Variants in PRKN observed in about 807,000 individuals in gnomAD.
The protein encoded by PRKN is E3 ubiquitin-protein ligase parkin.
In PRKN, 56 loss-of-function variants were observed where a neutral mutation model predicts 59.5. That is an observed-to-expected ratio of 0.94 (90% CI 0.76 to 1.18). PRKN has a LOEUF of 1.18. Ranked by LOEUF, PRKN falls within the 50% of genes most tolerant of loss-of-function variation. PRKN has a pLI of 0.00. For missense variants in PRKN, 657 were observed against 596.4 expected (o/e 1.10, Z -1.06); for synonymous variants, 250 against 222.1 (o/e 1.13, Z -1.12).
At chr6:161,720,549 C>A (rs1305366335) in intron 7 of PRKN, among the ~76,000 whole-genome samples, 1 of 152,122 alleles carries the variant, frequency 6.6e-6, no homozygotes, top group Non-Finnish European at 1.5e-5. Flanking sequence ...GAAAGTCACC[C>A]CCTGCAGAGA....
At chr6:161,973,585 C>T (rs1467218977) in intron 5 of PRKN, among the ~76,000 whole-genome samples, 168 bp from the exon 6 acceptor site, 1 of 152,114 alleles carries the variant, frequency 6.6e-6, no homozygotes, top group African/African-American at 2.4e-5. Context: ...TGACCTTGTG[C>T]CAAAGTGGTC....
chr6:161,874,987 ACT>A lies in PRKN; in HGVS notation c.735-89081_735-89080del, dbSNP rs1172394426. Reference sequence around the variant, plus strand: ...TAATATATAATTTATTATATTATATACTTTATATATAATATATTATATATTAT... The same window carrying A: ...TAATATATAATTTATTATATTATATATTATATATAATATATTATATATTAT... On this transcript the variant is annotated intron_variant, in intron 6 of 11. Transcript: ENST00000366898. Among the ~76,000 whole-genome samples the A allele has an allele frequency of 3.9e-3, 274 of 70,258 alleles. 5 individuals are homozygous for A. The highest frequency in any genetic ancestry group is 0.027 in the South Asian group (68 of 2,506). The allele number at this position is 70,258 out of a possible 152,430, so 46.1% of individuals were successfully genotyped here. A position where few individuals can be genotyped will look rare whatever the true frequency, so the allele number is the denominator to read the frequency against.
chr6:162,261,473 A>G (rs1431960163), intron 3 of PRKN, among the ~76,000 whole-genome samples: 2 of 151,988 alleles, frequency 1.3e-5, no homozygotes, highest in Non-Finnish European at 2.9e-5. Flanking sequence ...TCTTATACAT[A>G]CTCTGGTTGA....
intron 7 of PRKN, among the ~76,000 whole-genome samples, chr6:161,748,283 C>A (rs1788518543): frequency 6.6e-6 from 1 of 151,712 alleles, no homozygotes; most frequent in African/African-American, 2.4e-5. Context: ...AAAGATTTAT[C>A]AGGTGAGTGA....
In PRKN at chr6:161,549,114, A is replaced by G; in HGVS notation, c.934-111T>C. The G allele has an allele frequency of 8.5e-7, 1 of 1,171,490 alleles. No individual in the cohort carries two copies. The highest frequency in any genetic ancestry group is 1.2e-6 in the Non-Finnish European group (1 of 807,616). The allele number at this position is 1,171,490 out of a possible 1,614,324, so 72.6% of individuals were successfully genotyped here. On this transcript the variant is annotated intron_variant, in intron 8 of 11. Coordinates refer to ENST00000366898, the MANE Select transcript of PRKN (RefSeq NM_004562.3). This position sits in a 1 kb window ranked among gnomAD's most constrained non-coding sequence, Gnocchi z 6.0. Reference sequence around the variant, plus strand: ...TTGCTTAACCAGTTTCAGTAAAATAATGCATGTGTGTGTGTGTGTGTGTGT... The same window carrying G: ...TTGCTTAACCAGTTTCAGTAAAATAGTGCATGTGTGTGTGTGTGTGTGTGT...
chr6:162,144,425 T>C (rs1781919347), intron 4 of PRKN, among the ~76,000 whole-genome samples: 1 of 152,168 alleles, frequency 6.6e-6, no homozygotes, highest in Non-Finnish European at 1.5e-5. Context: ...AATACCCTTG[T>C]AAGAAAGAAT....
intron 7 of PRKN, among the ~76,000 whole-genome samples, chr6:161,625,131 C>T (rs1562566494): frequency 1.3e-5 from 2 of 152,288 alleles, no homozygotes; most frequent in African/African-American, 4.8e-5. Flanking sequence ...TATTGCAGCA[C>T]TATTCACAAT....
At chr6:161,553,293 T>C (rs2115440066) in intron 8 of PRKN, among the ~76,000 whole-genome samples, 1 of 152,312 alleles carries the variant, frequency 6.6e-6, no homozygotes, top group East Asian at 1.9e-4. Flanking sequence ...TTCCTATAAA[T>C]TGATAATTGG....
chr6:161,648,998 A>G (rs902135010), intron 7 of PRKN, among the ~76,000 whole-genome samples: 2 of 152,210 alleles, frequency 1.3e-5, no homozygotes, highest in African/African-American at 4.8e-5. Flanking sequence ...CCTTAAAACT[A>G]TATTAGCCAT....
chr6:161,589,051 G>A (rs1331328956), intron 7 of PRKN, among the ~76,000 whole-genome samples: 5 of 152,120 alleles, frequency 3.3e-5, no homozygotes, highest in Admixed American at 3.3e-4. Flanking sequence ...GGTTTCTTAA[G>A]GAATGACTAG....
At chr6:162,497,137 A>G in intron 1 of PRKN, among the ~76,000 whole-genome samples, 1 of 152,176 alleles carries the variant, frequency 6.6e-6, no homozygotes, top group East Asian at 1.9e-4. Context: ...TCTTCAGCCA[A>G]TGGAAATCTC....
intron 7 of PRKN, among the ~76,000 whole-genome samples, chr6:161,776,219 G>A (rs1161341939): frequency 6.6e-6 from 1 of 152,156 alleles, no homozygotes; most frequent in African/African-American, 2.4e-5. Context: ...CACCAAGTTG[G>A]GTGAGTGCTA....
intron 5 of PRKN, among the ~76,000 whole-genome samples, chr6:162,033,475 A>G (rs1473513561): frequency 1.3e-5 from 2 of 152,174 alleles, no homozygotes; most frequent in Admixed American, 1.3e-4. Context: ...CCTTAGTTAT[A>G]ACTAATATGC....
intron 9 of PRKN, among the ~76,000 whole-genome samples, chr6:161,535,274 AT>A (rs765813851): frequency 1.3e-5 from 2 of 152,240 alleles, no homozygotes; most frequent in African/African-American, 2.4e-5. Context: ...TAGAGGTCTA[AT>A]TTCTCATGCC....
chr6:161,646,175 G>C (rs1335018992), intron 7 of PRKN, among the ~76,000 whole-genome samples: 5 of 63,924 alleles, frequency 7.8e-5, no homozygotes, highest in East Asian at 7.6e-4. Flanking sequence ...TGACAGTGGT[G>C]ACTGCGTGTG....
At chr6:161,900,860 TATATA>T (rs1234179592) in intron 6 of PRKN, among the ~76,000 whole-genome samples, 25 of 142,604 alleles carry the variant, frequency 1.8e-4, no homozygotes, top group Admixed American at 5.9e-4. Context: ...ACATATATAA[TATATA>T]ATATACAATA....
chr6:162,192,471 T>C (rs1784323268), intron 4 of PRKN, among the ~76,000 whole-genome samples: 1 of 137,424 alleles, frequency 7.3e-6, no homozygotes, highest in Non-Finnish European at 1.5e-5. Context: ...TTTTTTTTTT[T>C]AGATAAGGTC....
At chr6:162,365,352 G>A (rs1032889861) in intron 2 of PRKN, among the ~76,000 whole-genome samples, 1 of 152,024 alleles carries the variant, frequency 6.6e-6, no homozygotes, top group Non-Finnish European at 1.5e-5. Context: ...TGTCTAGACA[G>A]TACTTTACAA....
intron 6 of PRKN, among the ~76,000 whole-genome samples, chr6:161,852,140 G>A (rs2128222706): frequency 6.6e-6 from 1 of 151,756 alleles, no homozygotes. Flanking sequence ...GCCACAGAGG[G>A]AATTTTTTAA....
Sources: allele counts gnomAD v4.1 joint callset (sites outside exome capture counted in the v4.1 genomes callset), GRCh38; gene constraint gnomAD v4.1.1; non-coding constraint Gnocchi (gnomAD v3.1); transcripts MANE v1.5; gene names NCBI Gene and HGNC (gene_info 2026-07-23, HGNC 2026-07-21).